The following DNAH17 variants were observed in gnomAD, a reference collection of about 807,000 sequenced individuals.
The protein encoded by DNAH17 is dynein axonemal heavy chain 17, also known as axonemal beta dynein heavy chain 17.
Under a neutral mutation model 485.6 loss-of-function variants are expected in DNAH17, and 376 were observed. That is an observed-to-expected ratio of 0.77 (90% confidence interval 0.71 to 0.84). DNAH17 has a LOEUF of 0.84. Among genes scored for constraint, DNAH17 ranks in the 40% least tolerant of loss-of-function variants. DNAH17 has a pLI of 0.00. For synonymous variants in DNAH17, 3,031 were observed against 2,405.9 expected, an observed-to-expected ratio of 1.26 and a Z score of -7.60; for missense variants, 6,370 against 5,839.3, an observed-to-expected ratio of 1.09 and a Z score of -2.96.
At chr17:78,529,830 C>A (rs771524382) in intron 21 of DNAH17, 136 bp from the exon 22 acceptor site, 2 of 802,818 alleles carry the variant, frequency 2.5e-6, no homozygotes, top group African/African-American at 1.7e-5. Flanking sequence ...GGGGAGGGAG[C>A]GCCCCTGCCC....
At chr17:78,461,328 G>A (rs78492319) in intron 58 of DNAH17, among the ~76,000 whole-genome samples, 3,903 of 152,290 alleles carry the variant, frequency 0.026, 173 homozygotes, top group African/African-American at 0.088. Flanking sequence ...GCTCGGCCAC[G>A]GGATGGGAGT....
chr17:78,520,795 C>T (rs936628475), intron 25 of DNAH17, among the ~76,000 whole-genome samples: 2 of 152,230 alleles, frequency 1.3e-5, no homozygotes, highest in African/African-American at 2.4e-5. Context: ...TGTCAGTTCT[C>T]TCCAAATTGA....
Position 78,454,723 on chromosome 17 carries a change from C to A in DNAH17, c.10171-18G>T, listed in dbSNP as rs1301345977. 1.2e-6 allele frequency: 2 copies of A among 1,602,214 alleles called. No homozygotes were observed. Among genetic ancestry groups the A allele is most frequent in the Non-Finnish European group, 1.7e-6 (2 of 1,173,174 alleles). ...ATGGGGACCTGCCCAGGGAGGCACA[C>A]TTTCTTAGAGGGGGTAATGCGACCT... On this transcript the variant is annotated intron_variant, in intron 63 of 80. Coordinates refer to ENST00000389840, the MANE Select transcript of DNAH17 (RefSeq NM_173628.4).
At chr17:78,438,452 G>GGAGGA (rs1555651774) in intron 73 of DNAH17, among the ~76,000 whole-genome samples, 1 of 68,276 alleles carries the variant, frequency 1.5e-5, no homozygotes, top group African/African-American at 7.1e-5. Context: ...GGAGGGAGGA[G>GGAGGA]GGAGGAGGAG....
rs761777699 is a variant in DNAH17 at position 78,499,072 on chromosome 17, G to A, written c.5681C>T (p.Ala1894Val). ...ATTAAACTCGTCAAAGCAGCCCCAG[G>A]CTCCCGTCTGGGCCAGGCCCTTGTA... ...NIYKGLAQTG[A>V]WGCFDEFNRI... is the part of the protein sequence containing the mutation. Residue 1894 changes from alanine (A) to valine (V), a missense_variant, in exon 37 of 81, where the codon GCC becomes GTC. Ala to Val is a moderately conservative substitution (Grantham distance 64). Coordinates refer to ENST00000389840, the MANE Select transcript of DNAH17 (RefSeq NM_173628.4). The A allele has an allele frequency of 4.4e-6, 7 of 1,608,752 alleles. No individual in the cohort carries two copies. The East Asian group carries it at 1.6e-4, about 36-fold the overall frequency.
intron 16 of DNAH17, among the ~76,000 whole-genome samples, chr17:78,549,881 C>G (rs1235866262): frequency 6.6e-6 from 1 of 152,146 alleles, no homozygotes; most frequent in Admixed American, 6.5e-5. Flanking sequence ...TTCAGAAGCC[C>G]GTGGGGTTTG....
intron 25 of DNAH17, among the ~76,000 whole-genome samples, chr17:78,518,460 C>A (rs1002522088): frequency 1.3e-5 from 2 of 152,176 alleles, no homozygotes; most frequent in Admixed American, 6.5e-5. Flanking sequence ...AATCCCAAAT[C>A]TGTACACACC....
intron 72 of DNAH17, 56 bp downstream of exon 72, chr17:78,440,995 C>A: frequency 6.5e-7 from 1 of 1,549,326 alleles, no homozygotes; most frequent in South Asian, 1.2e-5. Flanking sequence ...TTCCTGGTGC[C>A]TGGTGATGCT....
chr17:78,525,373 C>T (rs1280918690), intron 24 of DNAH17, among the ~76,000 whole-genome samples: 2 of 152,212 alleles, frequency 1.3e-5, no homozygotes, highest in African/African-American at 4.8e-5. Flanking sequence ...GGGCGGGTGA[C>T]CTCTACCCAC....
intron 2 of DNAH17, 73 bp downstream of exon 2, chr17:78,574,640 C>T: frequency 7.5e-7 from 1 of 1,331,620 alleles, no homozygotes; most frequent in South Asian, 1.4e-5. Context: ...CCAGGCTGAG[C>T]AGCAGGACTC....
chr17:78,566,686 G>A lies in DNAH17; in HGVS notation c.1497C>T (p.Asp499=), dbSNP rs139193496. The change falls in exon 11 of 81, where the codon GAC becomes GAT. Residue 499 remains aspartate, a synonymous_variant. Coordinates refer to ENST00000389840, the MANE Select transcript of DNAH17 (RefSeq NM_173628.4). ...AGATCGTGGCCAGCCTCCTATCCAG[G>A]TCTTGGATTTTGATCTCAAAATCAG... ...DYADFEIKIQ[D]LDRRLATIFC... is the part of the protein sequence containing the mutation. The A allele has an allele frequency of 6.2e-6, 10 of 1,610,132 alleles. No individual in the cohort carries two copies. Among genetic ancestry groups the A allele is most frequent in the Non-Finnish European group, 8.5e-6 (10 of 1,178,338 alleles).
chr17:78,568,288 G>A (rs1387694062), intron 9 of DNAH17, among the ~76,000 whole-genome samples: 2 of 152,080 alleles, frequency 1.3e-5, no homozygotes, highest in Admixed American at 6.5e-5. Context: ...GCATTAGTCC[G>A]CGCTCTGTGA....
intron 75 of DNAH17, among the ~76,000 whole-genome samples, chr17:78,431,449 C>CCCCG (rs1489503640): frequency 1.6e-5 from 2 of 123,806 alleles, no homozygotes; most frequent in African/African-American, 5.5e-5. Flanking sequence ...GCTGAGGGAA[C>CCCCG]CCCCCACCCC....
chr17:78,461,455 G>C, intron 58 of DNAH17, 89 bp downstream of exon 58: 2 of 1,331,048 alleles, frequency 1.5e-6, no homozygotes, highest in Non-Finnish European at 2.0e-6. Flanking sequence ...TCCCACGCCT[G>C]TCGGTGGCAC....
At chr17:78,541,774 C>T (rs1195281948) in intron 17 of DNAH17, among the ~76,000 whole-genome samples, 1 of 152,122 alleles carries the variant, frequency 6.6e-6, no homozygotes, top group African/African-American at 2.4e-5. Flanking sequence ...TTTACTAACC[C>T]TAAGTCAAAT....
intron 68 of DNAH17, 61 bp from the exon 69 acceptor site, chr17:78,449,645 C>A: frequency 6.7e-7 from 1 of 1,489,728 alleles, no homozygotes; most frequent in East Asian, 2.4e-5. Flanking sequence ...CACCACTCCC[C>A]GCCACCACTC....
At chr17:78,453,499 G>A (rs374251865) in intron 64 of DNAH17, 34 bp from the exon 65 acceptor site, 2 of 1,612,250 alleles carry the variant, frequency 1.2e-6, no homozygotes, top group Admixed American at 1.7e-5. Flanking sequence ...GTTCATGGCA[G>A]AGGGCCTCGT....
At chr17:78,432,618 C>G (rs899262555) in intron 75 of DNAH17, among the ~76,000 whole-genome samples, 2 of 152,228 alleles carry the variant, frequency 1.3e-5, no homozygotes, top group Non-Finnish European at 2.9e-5. Context: ...CACAGCCTCC[C>G]AGGCCAGGTG....
intron 22 of DNAH17, among the ~76,000 whole-genome samples, chr17:78,527,903 C>T (rs926058401): frequency 2.0e-5 from 3 of 152,182 alleles, no homozygotes; most frequent in African/African-American, 4.8e-5. Context: ...CTCAACCTCC[C>T]GAGCAGCTAG....
Sources: allele counts gnomAD v4.1 joint callset (sites outside exome capture counted in the v4.1 genomes callset), GRCh38; gene constraint gnomAD v4.1.1; transcripts MANE v1.5; gene names NCBI Gene and HGNC (gene_info 2026-07-23, HGNC 2026-07-21).